JAK2: variants seen among roughly 807,000 people sequenced by gnomAD.
The protein encoded by JAK2 is tyrosine-protein kinase JAK2.
JAK2 carries 86 observed loss-of-function variants against 139.3 expected under a neutral mutation model. The observed-to-expected ratio is 0.62, with a 90% CI of 0.52 to 0.74. The LOEUF is 0.74. Ranked by LOEUF, JAK2 falls within the 30% of genes least tolerant of loss-of-function variation. The pLI is 0.00. For synonymous variants in JAK2, 490 were observed against 437.7 expected (o/e 1.12, Z -1.49); for missense variants, 1,421 against 1,360.3 (o/e 1.04, Z -0.70).
chr9:5,050,575 T>C (rs2130376580), intron 5 of JAK2, 111 bp from the exon 6 acceptor site: 4 of 1,149,366 alleles, frequency 3.5e-6, no homozygotes, highest in Middle Eastern at 2.2e-4. Context: ...CTGGCCAATT[T>C]GTATCTTGTA....
intron 2 of JAK2, among the ~76,000 whole-genome samples, chr9:4,988,042 C>CTT (rs1820061623): frequency 6.6e-6 from 1 of 152,188 alleles, no homozygotes; most frequent in Non-Finnish European, 1.5e-5. Flanking sequence ...AAAGGTTTGA[C>CTT]TTTGTGTCTC....
At chr9:5,002,629 A>G (rs1820993139) in intron 2 of JAK2, among the ~76,000 whole-genome samples, 1 of 151,942 alleles carries the variant, frequency 6.6e-6, no homozygotes, top group Non-Finnish European at 1.5e-5. Flanking sequence ...TGTTCTGTAA[A>G]TGTCAGTTAT....
In JAK2 at chr9:5,129,859, T is replaced by C. The variant is rs903192938; in HGVS notation, c.*3068T>C. Among the ~76,000 whole-genome samples the C allele has an allele frequency of 1.3e-5, 2 of 152,172 alleles. No individual in the cohort carries two copies. Among genetic ancestry groups the C allele is most frequent in the African/African-American group, 4.8e-5 (2 of 41,466 alleles). ...TACATTAATCAGATTCTTAGTAAAA[T>C]GCAGACTGTATACCTAAATATTAAA... On this transcript the variant is annotated 3_prime_UTR_variant, in exon 25 of 25. Coordinates refer to ENST00000381652, the MANE Select transcript of JAK2 (RefSeq NM_004972.4).
chr9:5,045,238 A>G (rs1816919353), intron 5 of JAK2, among the ~76,000 whole-genome samples: 1 of 152,196 alleles, frequency 6.6e-6, no homozygotes, highest in African/African-American at 2.4e-5. Context: ...TCCCCAAGGT[A>G]TCAGGAGTTC....
intron 8 of JAK2, among the ~76,000 whole-genome samples, chr9:5,063,113 G>A (rs1818302622): frequency 6.6e-6 from 1 of 151,864 alleles, no homozygotes; most frequent in African/African-American, 2.4e-5. Context: ...ATAATTTTTG[G>A]TTGAGGACTC....
At chr9:5,049,803 A>C (rs892961210) in intron 5 of JAK2, among the ~76,000 whole-genome samples, 3 of 152,202 alleles carry the variant, frequency 2.0e-5, no homozygotes, top group African/African-American at 7.2e-5. Context: ...GTATATGCCT[A>C]GTCTGTATGG....
chr9:5,118,585 G>A (rs1275027501), intron 22 of JAK2, among the ~76,000 whole-genome samples: 7 of 152,060 alleles, frequency 4.6e-5, no homozygotes, highest in South Asian at 2.1e-4. Flanking sequence ...GTATATCCTC[G>A]GATGAATATT....
At chr9:5,114,573 T>A (rs1822970809) in intron 22 of JAK2, 3 of 491,170 alleles carry the variant, frequency 6.1e-6, no homozygotes, top group South Asian at 1.6e-5. Context: ...CCAGAACTTC[T>A]GGCCCAAGGA....
chr9:5,056,598 C>G (rs1363895403), intron 8 of JAK2, among the ~76,000 whole-genome samples: 1 of 152,000 alleles, frequency 6.6e-6, no homozygotes, highest in Non-Finnish European at 1.5e-5. Context: ...GACTGTGAGC[C>G]TTTTGAAGGT....
At chr9:5,039,400 ATAGTC>A (rs1816320469) in intron 4 of JAK2, among the ~76,000 whole-genome samples, 1 of 152,164 alleles carries the variant, frequency 6.6e-6, no homozygotes, top group South Asian at 2.1e-4. Flanking sequence ...GGTATTATAA[ATAGTC>A]TAGAGATTTT....
At position 5,077,702 on chromosome 9, in the gene JAK2, CTG is replaced by C. The variant is rs1273614521; in HGVS notation, c.1992+126_1992+127del. The C allele has an allele frequency of 9.1e-6, 5 of 548,972 alleles. No homozygotes were observed. The East Asian group carries it at 1.5e-4, about 17-fold the overall frequency. The allele number at this position is 548,972 out of a possible 1,614,324, so 34.0% of individuals were successfully genotyped here. ...TGGATGCCAATTCATGTAAAATAGT[CTG>C]TGTTAGGTGATAAAAAGAGATTACT... is the stretch of plus-strand genomic sequence containing the variant. On this transcript the variant is annotated intron_variant, in intron 15 of 24. Transcript: ENST00000381652.
In JAK2 at chr9:4,999,548, G is replaced by A. The variant is rs182440700; in HGVS notation, c.-26+13526G>A. Reference sequence around the variant, plus strand: ...CAGAACTAATAGGATATATATATGAGTTTATTAAATATTAACTTAAATGAT... The same window carrying A: ...CAGAACTAATAGGATATATATATGAATTTATTAAATATTAACTTAAATGAT... On this transcript the variant is annotated intron_variant, in intron 2 of 24. Transcript: ENST00000381652. Among the ~76,000 whole-genome samples, 10 of 152,254 alleles carry A rather than the reference G, an allele frequency of 6.6e-5. No individual in the cohort carries two copies. In the East Asian group the frequency reaches 9.7e-4, roughly 15 times the overall value.
chr9:5,042,948 C>T (rs1182405638), intron 4 of JAK2, among the ~76,000 whole-genome samples: 1 of 152,228 alleles, frequency 6.6e-6, no homozygotes, highest in Non-Finnish European at 1.5e-5. Flanking sequence ...CTCGAGGCAC[C>T]TGTTCCCCGA....
intron 8 of JAK2, among the ~76,000 whole-genome samples, chr9:5,060,888 T>A (rs1407322096): frequency 6.6e-6 from 1 of 152,228 alleles, no homozygotes; most frequent in East Asian, 1.9e-4. Flanking sequence ...ATAATAAGAC[T>A]TGAAAGTTGA....
At chr9:5,085,171 G>A (rs952769377) in intron 19 of JAK2, 5 of 650,748 alleles carry the variant, frequency 7.7e-6, no homozygotes, top group East Asian at 3.6e-5. Flanking sequence ...TACATCTCCC[G>A]GCAAACTGAA....
At chr9:5,110,874 G>T in intron 22 of JAK2, 1 of 517,974 alleles carries the variant, frequency 1.9e-6, no homozygotes, top group South Asian at 1.6e-5. Context: ...GCGCCCAGCA[G>T]GGTTTCCATG....
chr9:5,071,800 A>G (rs77551840), intron 12 of JAK2, among the ~76,000 whole-genome samples: 5,334 of 152,292 alleles, frequency 0.035, 192 homozygotes, highest in Non-Finnish European at 0.048. Flanking sequence ...CTTGACTAAC[A>G]TTACAAATCT....
intron 2 of JAK2, among the ~76,000 whole-genome samples, chr9:5,003,230 T>A (rs1235873626): frequency 6.6e-6 from 1 of 151,998 alleles, no homozygotes; most frequent in East Asian, 1.9e-4. Context: ...GACTTTAGGA[T>A]CAACTTGTAA....
intron 2 of JAK2, among the ~76,000 whole-genome samples, chr9:5,017,725 C>A (rs1490299393): frequency 6.6e-6 from 1 of 152,156 alleles, no homozygotes; most frequent in Non-Finnish European, 1.5e-5. Context: ...TAAATTAATT[C>A]TTTAAAGTTG....
Sources: gnomAD v4.1 joint callset for allele counts (sites outside exome capture counted in the v4.1 genomes callset) on GRCh38, gnomAD v4.1.1 for gene constraint, MANE v1.5 for transcripts, NCBI Gene and HGNC (gene_info 2026-07-23, HGNC 2026-07-21) for gene names.